Variants in RERE observed in about 807,000 individuals in gnomAD.
RERE encodes the protein arginine-glutamic acid dipeptide repeats protein.
In RERE, 40 loss-of-function variants were observed where a neutral mutation model predicts 146.1. That is an observed-to-expected ratio of 0.27 (90% CI 0.21 to 0.36). The LOEUF (loss-of-function observed/expected upper bound fraction) is 0.36, where lower values mean the gene tolerates loss of function less well. Ranked by LOEUF, RERE falls within the 10% of genes least tolerant of loss-of-function variation. The pLI is 1.00. For synonymous variants in RERE, 1,003 were observed against 866.0 expected (o/e 1.16, Z -2.78); for missense variants, 1,933 against 2,138.7 (o/e 0.90, Z 1.90).
chr1:8,714,835 T>G (rs1488350362), intron 1 of RERE, among the ~76,000 whole-genome samples: 2 of 152,108 alleles, frequency 1.3e-5, no homozygotes, highest in Non-Finnish European at 2.9e-5. Context: ...CAATTATTAA[T>G]TCCAGGAAAG....
Position 8,564,826 on chromosome 1 carries a change from ATGTG to A in RERE, c.523-7307_523-7304del, listed in dbSNP as rs796133984. 2.4e-3 allele frequency among the ~76,000 whole-genome samples: 286 copies of A among 117,840 alleles called. 1 individual carries two copies. Among genetic ancestry groups the A allele is most frequent in the East Asian group, 0.015 (60 of 4,038 alleles). The allele number at this position is 117,840 out of a possible 152,430, so 77.3% of individuals were successfully genotyped here. On this transcript the variant is annotated intron_variant, in intron 4 of 22. Coordinates refer to ENST00000400908, the MANE Select transcript of RERE (RefSeq NM_001042681.2). ...TGTGTGTGTATGTATGTGTGTGTAT[ATGTG>A]TATGTGTGTGTGTGTGTGTGTGTGT...
chr1:8,678,417 G>A (rs967589991), intron 1 of RERE, among the ~76,000 whole-genome samples: 3 of 151,898 alleles, frequency 2.0e-5, no homozygotes, highest in African/African-American at 7.3e-5. Context: ...AGGCCAAGGC[G>A]GGCAATCCCG....
intron 8 of RERE, among the ~76,000 whole-genome samples, chr1:8,498,705 A>T (rs57399447): frequency 0.34 from 45,698 of 136,264 alleles, 8,421 homozygotes; most frequent in African/African-American, 0.38. Flanking sequence ...CAAAAAAAAA[A>T]AAAATAAAAA....
chr1:8,363,680 T>G, intron 15 of RERE: 1 of 221,608 alleles, frequency 4.5e-6, no homozygotes, highest in Non-Finnish European at 9.0e-6. Flanking sequence ...GGATCAAACA[T>G]TTAAAAAAAA....
At chr1:8,564,671 C>T (rs1646120975) in intron 4 of RERE, among the ~76,000 whole-genome samples, 1 of 151,828 alleles carries the variant, frequency 6.6e-6, no homozygotes, top group Non-Finnish European at 1.5e-5. Flanking sequence ...GTGAATTTAC[C>T]AAAATATTTA....
intron 1 of RERE, among the ~76,000 whole-genome samples, chr1:8,734,350 C>T (rs1040812979): frequency 4.6e-5 from 7 of 152,068 alleles, no homozygotes; most frequent in Admixed American, 3.9e-4. Flanking sequence ...GAAGTGGAAA[C>T]GAGATTTTCA....
chr1:8,646,984 A>G (rs6690029), intron 2 of RERE, among the ~76,000 whole-genome samples: 2,316 of 152,270 alleles, frequency 0.015, 61 homozygotes, highest in African/African-American at 0.053. Context: ...CAGGCATGGT[A>G]ATGCATGCCT....
At chr1:8,765,772 T>C (rs1032880835) in intron 1 of RERE, among the ~76,000 whole-genome samples, 1 of 152,144 alleles carries the variant, frequency 6.6e-6, no homozygotes, top group African/African-American at 2.4e-5. Context: ...GCCAACATGG[T>C]GAAACCCCGT....
chr1:8,438,012 G>T lies in RERE; in HGVS notation c.1204-15205C>A, dbSNP rs1487655520. Among the ~76,000 whole-genome samples the T allele has an allele frequency of 2.0e-5, 3 of 152,050 alleles. No homozygotes were observed. The South Asian group carries it at 6.3e-4, about 32-fold the overall frequency. ...ATTTATTATTATTTTTAGAGACAGGGTCTTGCTCTGCCACCTAGGCTACAG... is the reference window on the plus strand; with the variant it reads ...ATTTATTATTATTTTTAGAGACAGGTTCTTGCTCTGCCACCTAGGCTACAG... On this transcript the variant is annotated intron_variant, in intron 11 of 22. Transcript: ENST00000400908.
chr1:8,707,965 T>A (rs1639589888), intron 1 of RERE, among the ~76,000 whole-genome samples: 1 of 152,186 alleles, frequency 6.6e-6, no homozygotes, highest in South Asian at 2.1e-4. Context: ...TAATTGTTCT[T>A]ATTATTGATA....
At chr1:8,727,696 G>C (rs1374552913) in intron 1 of RERE, among the ~76,000 whole-genome samples, 3 of 151,980 alleles carry the variant, frequency 2.0e-5, no homozygotes, top group Admixed American at 6.6e-5. Flanking sequence ...GTTTCACCAT[G>C]TTGGCCAGGA....
chr1:8,789,470 C>G (rs1429434184), intron 1 of RERE, among the ~76,000 whole-genome samples: 2 of 151,346 alleles, frequency 1.3e-5, no homozygotes, highest in Admixed American at 6.6e-5. Flanking sequence ...AATTTTAACA[C>G]GTCACACAGA....
chr1:8,390,005 A>G (rs1642829125), intron 12 of RERE, among the ~76,000 whole-genome samples: 1 of 152,222 alleles, frequency 6.6e-6, no homozygotes, highest in African/African-American at 2.4e-5. Context: ...GCAGGAGTGA[A>G]AATACATCAC....
At chr1:8,532,722 G>C (rs888831205) in intron 7 of RERE, among the ~76,000 whole-genome samples, 8 of 152,122 alleles carry the variant, frequency 5.3e-5, no homozygotes, top group Admixed American at 5.2e-4. Flanking sequence ...AGCCTCCCGA[G>C]TAGCTGGGGT....
At chr1:8,653,812 G>T (rs1021999591) in intron 2 of RERE, among the ~76,000 whole-genome samples, 8 of 151,190 alleles carry the variant, frequency 5.3e-5, no homozygotes, top group African/African-American at 1.5e-4. Flanking sequence ...CAGTCACTAA[G>T]AAATTCTTAC....
In RERE at chr1:8,422,952, GC is replaced by G. The variant is rs1643933089; in HGVS notation, c.1204-146del. On this transcript the variant is annotated intron_variant, in intron 11 of 22. Transcript: ENST00000400908. ...CTGCCGAGGCTCGGAGAGTATGTCA[GC>G]AGCTCAGCTGGGACCCACTGGCCAG... 5 of 645,466 alleles carry G rather than the reference GC, an allele frequency of 7.7e-6. No homozygotes were observed. The South Asian group carries it at 8.8e-5, about 11-fold the overall frequency. The allele number at this position is 645,466 out of a possible 1,614,324, so 40.0% of individuals were successfully genotyped here. A position where few individuals can be genotyped will look rare whatever the true frequency, so the allele number is the denominator to read the frequency against.
chr1:8,553,632 C>T (rs563512018), intron 6 of RERE, among the ~76,000 whole-genome samples: 2 of 152,234 alleles, frequency 1.3e-5, no homozygotes, highest in African/African-American at 2.4e-5. Flanking sequence ...GCAGCTACCA[C>T]TTTTTATGAC....
At chr1:8,469,342 G>A (rs190956700) in intron 10 of RERE, among the ~76,000 whole-genome samples, 1 of 152,242 alleles carries the variant, frequency 6.6e-6, no homozygotes, top group Admixed American at 6.5e-5. Context: ...ATCTTGGCTG[G>A]GCGCGGTGGC....
chr1:8,414,388 T>G (rs1643702551), intron 12 of RERE, among the ~76,000 whole-genome samples: 1 of 151,710 alleles, frequency 6.6e-6, no homozygotes, highest in Non-Finnish European at 1.5e-5. Flanking sequence ...CTACTAAAAC[T>G]CTACTAAAAA....
Sources: allele counts gnomAD v4.1 joint callset (sites outside exome capture counted in the v4.1 genomes callset), GRCh38; gene constraint gnomAD v4.1.1; transcripts MANE v1.5; gene names NCBI Gene and HGNC (gene_info 2026-07-23, HGNC 2026-07-21).